The following CACNG3 variants were observed in gnomAD, a reference collection of about 807,000 sequenced individuals.
CACNG3 encodes the protein calcium voltage-gated channel auxiliary subunit gamma 3, also known as voltage-dependent calcium channel gamma-3 subunit.
In CACNG3, 3 loss-of-function variants were observed where a neutral mutation model predicts 28.5. The observed-to-expected ratio is 0.11, with a 90% CI of 0.05 to 0.27. The LOEUF (loss-of-function observed/expected upper bound fraction) is 0.27, where lower values mean the gene tolerates loss of function less well. Among genes scored for constraint, CACNG3 ranks in the 10% least tolerant of loss-of-function variants. The pLI is 1.00. For missense variants in CACNG3, 236 were observed against 414.4 expected, an observed-to-expected ratio of 0.57 and a Z score of 3.74; for synonymous variants, 174 against 162.2, an observed-to-expected ratio of 1.07 and a Z score of -0.55.
At chr16:24,273,590 G>A (rs989026238) in intron 1 of CACNG3, among the ~76,000 whole-genome samples, 1 of 152,188 alleles carries the variant, frequency 6.6e-6, no homozygotes, top group African/African-American at 2.4e-5. Context: ...CGATTCTGAA[G>A]TTTGAAAACC....
At chr16:24,354,112 G>A (rs1899995986) in intron 2 of CACNG3, among the ~76,000 whole-genome samples, 1 of 152,164 alleles carries the variant, frequency 6.6e-6, no homozygotes, top group South Asian at 2.1e-4. Context: ...AGGATTGCCT[G>A]AGCCTGGAAG....
chr16:24,292,995 AT>A (rs1353902272), intron 1 of CACNG3, among the ~76,000 whole-genome samples: 1 of 152,190 alleles, frequency 6.6e-6, no homozygotes, highest in African/African-American at 2.4e-5. Context: ...ATGAGAAGAC[AT>A]TTATCCAATC....
At chr16:24,280,345 T>C (rs568977787) in intron 1 of CACNG3, among the ~76,000 whole-genome samples, 1 of 152,364 alleles carries the variant, frequency 6.6e-6, no homozygotes, top group East Asian at 1.9e-4. Context: ...GGGCTGCTGC[T>C]TGAAGCTCTT....
intron 3 of CACNG3, among the ~76,000 whole-genome samples, chr16:24,358,279 C>T (rs557252762): frequency 7.9e-5 from 12 of 152,338 alleles, no homozygotes; most frequent in Admixed American, 4.6e-4. Flanking sequence ...GGCTGCCTGG[C>T]GCAAATGTAG....
intron 1 of CACNG3, among the ~76,000 whole-genome samples, chr16:24,267,002 T>C (rs928530286): frequency 6.6e-6 from 1 of 150,610 alleles, no homozygotes; most frequent in Non-Finnish European, 1.5e-5. Flanking sequence ...AGTCTCGCTC[T>C]ATCGCCCAGG....
intron 1 of CACNG3, among the ~76,000 whole-genome samples, chr16:24,274,950 A>G (rs1365470950): frequency 2.0e-5 from 3 of 152,196 alleles, no homozygotes; most frequent in Non-Finnish European, 2.9e-5. Context: ...CGCTGTCCTC[A>G]ATCCTGATGT....
intron 1 of CACNG3, among the ~76,000 whole-genome samples, chr16:24,327,126 CAAAAAAAAAA>C (rs57918697): frequency 5.6e-5 from 2 of 35,818 alleles, no homozygotes; most frequent in African/African-American, 1.3e-4. Context: ...GGCTCCAAAC[CAAAAAAAAAA>C]AAAAAAAAAA....
At chr16:24,335,245 C>T (rs902328130) in intron 1 of CACNG3, among the ~76,000 whole-genome samples, 4 of 152,114 alleles carry the variant, frequency 2.6e-5, no homozygotes, top group East Asian at 1.9e-4. Context: ...CATGGTGAAA[C>T]GCTGTCTGTA....
intron 1 of CACNG3, among the ~76,000 whole-genome samples, chr16:24,303,401 G>A (rs567779622): frequency 2.9e-4 from 44 of 151,728 alleles, no homozygotes; most frequent in South Asian, 6.3e-4. Flanking sequence ...TGTTGCCTAG[G>A]CTGGTCTTGA....
chr16:24,262,263 T>C (rs976653122), intron 1 of CACNG3, among the ~76,000 whole-genome samples: 13 of 152,140 alleles, frequency 8.5e-5, no homozygotes, highest in Non-Finnish European at 1.9e-4. Flanking sequence ...TTCTGTATTC[T>C]TCCTCCTTGC....
In CACNG3 at chr16:24,317,554, A is replaced by AAAAGAAAG. The variant is rs1202219518; in HGVS notation, c.212-29114_212-29107dup. Among the ~76,000 whole-genome samples the AAAAGAAAG allele has an allele frequency of 7.8e-3, 666 of 85,296 alleles. 20 individuals are homozygous for AAAAGAAAG. Among genetic ancestry groups the AAAAGAAAG allele is most frequent in the Non-Finnish European group, 0.011 (469 of 43,886 alleles). 56.0% of individuals were successfully genotyped at this position (85,296 alleles called of 152,430 possible). A position where few individuals can be genotyped will look rare whatever the true frequency, so the allele number is the denominator to read the frequency against. On this transcript the variant is annotated intron_variant, in intron 1 of 3. Coordinates refer to ENST00000005284, the MANE Select transcript of CACNG3 (RefSeq NM_006539.4). ...GATTCTGTCTCAAAAAAAAAAAAGA[A>AAAAGAAAG]AAAGAAAGAAAGAAAGAAAGAAAGA...
intron 2 of CACNG3, among the ~76,000 whole-genome samples, chr16:24,349,110 A>G (rs1899907816): frequency 6.6e-6 from 1 of 152,210 alleles, no homozygotes; most frequent in African/African-American, 2.4e-5. Flanking sequence ...CTGGGAGCAC[A>G]TTCCTGCAGG....
chr16:24,273,459 A>G (rs1323582411), intron 1 of CACNG3, among the ~76,000 whole-genome samples: 1 of 152,144 alleles, frequency 6.6e-6, no homozygotes, highest in Non-Finnish European at 1.5e-5. Flanking sequence ...GAAAGTTCAC[A>G]TTCCTCACTT....
At chr16:24,344,954 T>A (rs1166439050) in intron 1 of CACNG3, among the ~76,000 whole-genome samples, 1 of 152,150 alleles carries the variant, frequency 6.6e-6, no homozygotes, top group Non-Finnish European at 1.5e-5. Context: ...TGACACCATC[T>A]CCTCTGTGAT....
At chr16:24,322,613 C>T (rs1039373504) in intron 1 of CACNG3, among the ~76,000 whole-genome samples, 5 of 152,082 alleles carry the variant, frequency 3.3e-5, no homozygotes, top group African/African-American at 1.2e-4. Context: ...GTAAAACTCC[C>T]TCCTAAAGCA....
intron 2 of CACNG3, among the ~76,000 whole-genome samples, chr16:24,351,586 AGGAAGG>A (rs367559338): frequency 0.17 from 14,651 of 86,282 alleles, 1,489 homozygotes; most frequent in African/African-American, 0.22. Flanking sequence ...GGAAGGGAAG[AGGAAGG>A]GGAAGGGGAA....
chr16:24,266,068 G>A (rs1211535070), intron 1 of CACNG3, among the ~76,000 whole-genome samples: 1 of 152,092 alleles, frequency 6.6e-6, no homozygotes, highest in African/African-American at 2.4e-5. Context: ...CTTTCCCAGA[G>A]AATTCTCACA....
intron 1 of CACNG3, among the ~76,000 whole-genome samples, chr16:24,317,525 G>A (rs200255224): frequency 7.0e-6 from 1 of 143,396 alleles, no homozygotes; most frequent in South Asian, 2.2e-4. Flanking sequence ...GGGTGACAGA[G>A]GGAGATTCTG....
chr16:24,312,953 AAG>A (rs372381126), intron 1 of CACNG3, among the ~76,000 whole-genome samples: 13,195 of 74,092 alleles, frequency 0.18, 786 homozygotes, highest in African/African-American at 0.31. Context: ...GAAAGAAAGA[AAG>A]AGAAAGAAAG....
Sources: allele counts gnomAD v4.1 joint callset (sites outside exome capture counted in the v4.1 genomes callset), GRCh38; gene constraint gnomAD v4.1.1; transcripts MANE v1.5; gene names NCBI Gene and HGNC (gene_info 2026-07-23, HGNC 2026-07-21).